The following C14orf132 variants were observed in gnomAD, a reference collection of about 807,000 sequenced individuals.
C14orf132 encodes uncharacterized protein C14orf132.
Under a neutral mutation model 5.8 loss-of-function variants are expected in C14orf132, and 6 were observed. The observed-to-expected ratio is 1.03, with a 90% CI of 0.57 to 2.04. C14orf132 has a LOEUF of 2.04. C14orf132 is among the 30% of genes most tolerant of loss of function. The probability of loss-of-function intolerance (pLI) is 0.00; values close to 1 mark genes in which losing one functional copy is unlikely to be tolerated. For missense variants in C14orf132, 125 were observed against 115.8 expected, an observed-to-expected ratio of 1.08 and a Z score of -0.37; for synonymous variants, 51 against 49.8, an observed-to-expected ratio of 1.02 and a Z score of -0.10.
chr14:96,046,048 G>C (rs1288979883), intron 1 of C14orf132, among the ~76,000 whole-genome samples: 1 of 152,226 alleles, frequency 6.6e-6, no homozygotes, highest in African/African-American at 2.4e-5. Flanking sequence ...GAGGTCCCAA[G>C]GTTGTTGCTC....
Position 96,093,121 on chromosome 14 carries a change from G to C in C14orf132, c.*6386G>C, listed in dbSNP as rs1032459294. ...CAGCAGTGATCATGGTCACTGCCCT[G>C]CGTTCAAATAATGCGAGCTGAGGAC... On this transcript the variant is annotated 3_prime_UTR_variant, in exon 2 of 2. Coordinates refer to ENST00000555004, the MANE Select transcript of C14orf132 (RefSeq NM_001252507.3). 2.6e-5 allele frequency: 4 copies of C among 152,222 alleles called. No homozygotes were observed. Among genetic ancestry groups the C allele is most frequent in the African/African-American group, 9.6e-5 (4 of 41,464 alleles). The allele number at this position is 152,222 out of a possible 1,614,324, so 9.4% of individuals were successfully genotyped here. A position where few individuals can be genotyped will look rare whatever the true frequency, so the allele number is the denominator to read the frequency against.
In C14orf132 at chr14:96,086,854, C is replaced by T; in HGVS notation, c.*119C>T. On this transcript the variant is annotated 3_prime_UTR_variant, in exon 2 of 2. Coordinates refer to ENST00000555004, the MANE Select transcript of C14orf132 (RefSeq NM_001252507.3). ...AGTTTTGACCAGGGGCGGCGGCCGTCCTTCTGGAATTTCTCCCCAGCAGCC... is the reference window on the plus strand; with the variant it reads ...AGTTTTGACCAGGGGCGGCGGCCGTTCTTCTGGAATTTCTCCCCAGCAGCC... 1.0e-6 allele frequency: 1 copy of T among 1,001,396 alleles called. No individual in the cohort carries two copies. The highest frequency in any genetic ancestry group is 1.4e-6 in the Non-Finnish European group (1 of 695,436). The allele number at this position is 1,001,396 out of a possible 1,614,324, so 62.0% of individuals were successfully genotyped here.
intron 1 of C14orf132, among the ~76,000 whole-genome samples, chr14:96,043,233 C>G (rs1362153121): frequency 6.6e-6 from 1 of 152,128 alleles, no homozygotes; most frequent in Admixed American, 6.5e-5. Context: ...TCCACTTGGG[C>G]CCGTTGGGAT....
chr14:96,047,707 G>A (rs977533488), intron 1 of C14orf132, among the ~76,000 whole-genome samples: 4 of 152,178 alleles, frequency 2.6e-5, no homozygotes, highest in South Asian at 2.1e-4. Flanking sequence ...TCTGCATCAC[G>A]TCAGCCTATT....
At chr14:96,071,823 C>T (rs1355221814) in intron 1 of C14orf132, among the ~76,000 whole-genome samples, 1 of 152,226 alleles carries the variant, frequency 6.6e-6, no homozygotes, top group Non-Finnish European at 1.5e-5. Context: ...GGGTGCCCTG[C>T]CAGGGCTGGT....
At chr14:96,057,750 C>T (rs941834039) in intron 1 of C14orf132, among the ~76,000 whole-genome samples, 1 of 152,132 alleles carries the variant, frequency 6.6e-6, no homozygotes, top group Non-Finnish European at 1.5e-5. Context: ...AGGAAAATCA[C>T]GTGGTGCTAG....
intron 1 of C14orf132, among the ~76,000 whole-genome samples, chr14:96,070,596 T>TCACACACACA (rs77447486): frequency 2.1e-5 from 3 of 142,558 alleles, no homozygotes; most frequent in Non-Finnish European, 3.1e-5. Flanking sequence ...TCTCTCTCTC[T>TCACACACACA]CACACACACA....
At chr14:96,068,092 A>G (rs1887586451) in intron 1 of C14orf132, among the ~76,000 whole-genome samples, 1 of 152,188 alleles carries the variant, frequency 6.6e-6, no homozygotes, top group Non-Finnish European at 1.5e-5. Context: ...AAGACTCTCC[A>G]GCATGGAAAC....
At position 96,066,434 on chromosome 14, in the gene C14orf132, C is replaced by T. The variant is rs76771645; in HGVS notation, c.28-20077C>T. On this transcript the variant is annotated intron_variant, in intron 1 of 1. Coordinates refer to ENST00000555004, the MANE Select transcript of C14orf132 (RefSeq NM_001252507.3). ...TTTTTCCTCTTAATTCTGAAATGCT[C>T]TCAGGCTTTCCAAAAATATCCTTAT... 4.5e-3 allele frequency among the ~76,000 whole-genome samples: 682 copies of T among 152,284 alleles called. 6 individuals carry two copies. Among genetic ancestry groups the T allele is most frequent in the Non-Finnish European group, 8.1e-3 (550 of 68,032 alleles).
At position 96,089,052 on chromosome 14, in the gene C14orf132, C is replaced by T. The variant is rs1888299332; in HGVS notation, c.*2317C>T. Reference sequence around the variant, plus strand: ...TCTGCATTGCAGATTACAGTGACTTCCTCGGGGTTGCCCCATCTTGGTCTC... The same window carrying T: ...TCTGCATTGCAGATTACAGTGACTTTCTCGGGGTTGCCCCATCTTGGTCTC... On this transcript the variant is annotated 3_prime_UTR_variant, in exon 2 of 2. Coordinates refer to ENST00000555004, the MANE Select transcript of C14orf132 (RefSeq NM_001252507.3). The T allele has an allele frequency of 6.6e-6, 1 of 152,318 alleles. No individual in the cohort carries two copies. The highest frequency in any genetic ancestry group is 1.5e-5 in the Non-Finnish European group (1 of 68,096). The allele number at this position is 152,318 out of a possible 1,614,324, so 9.4% of individuals were successfully genotyped here.
chr14:96,081,923 TG>T lies in C14orf132; in HGVS notation c.28-4587del, dbSNP rs1296149835. On this transcript the variant is annotated intron_variant, in intron 1 of 1. Transcript: ENST00000555004. ...CCAACAAATGTTTTTTTGTTGTTGT[TG>T]TTTCTTTTTTTAATCTTGATGTGAA... Among the ~76,000 whole-genome samples, 3 of 152,150 alleles carry T rather than the reference TG, an allele frequency of 2.0e-5. No homozygotes were observed. In the East Asian group the frequency reaches 5.8e-4, roughly 29 times the overall value.
At chr14:96,054,016 GC>G (rs35584763) in intron 1 of C14orf132, among the ~76,000 whole-genome samples, 3,725 of 152,268 alleles carry the variant, frequency 0.024, 62 homozygotes, top group African/African-American at 0.046. Flanking sequence ...CTGGTGGAAG[GC>G]CTTAATAAAT....
rs1476516059 is a variant in C14orf132, at chr14:96,041,166, T to A, written c.27+1639T>A. Among the ~76,000 whole-genome samples, 4 of 152,246 alleles carry A rather than the reference T, an allele frequency of 2.6e-5. No homozygotes were observed. The East Asian group carries it at 7.7e-4, about 29-fold the overall frequency. On this transcript the variant is annotated intron_variant, in intron 1 of 1. Transcript: ENST00000555004. ...TTGACACTGGTTACATGCGCAGTAC[T>A]GTGCTAGCTGCAAGGAACAGAAACA...
At position 96,090,259 on chromosome 14, in the gene C14orf132, G is replaced by A. The variant is rs893337324; in HGVS notation, c.*3524G>A. ...ATACAAAAATTAACCAGACATTGTG[G>A]CATGTGCCTGTAATCCCAGCTACTC... On this transcript the variant is annotated 3_prime_UTR_variant, in exon 2 of 2. Transcript: ENST00000555004. 1 of 175,060 alleles carries A rather than the reference G, an allele frequency of 5.7e-6. No homozygotes were observed. Among genetic ancestry groups the A allele is most frequent in the Non-Finnish European group, 1.2e-5 (1 of 83,440 alleles). The allele number at this position is 175,060 out of a possible 1,614,324, so 10.8% of individuals were successfully genotyped here. A position where few individuals can be genotyped will look rare whatever the true frequency, so the allele number is the denominator to read the frequency against.
intron 1 of C14orf132, among the ~76,000 whole-genome samples, chr14:96,064,409 T>TATATATACAC (rs1302598697): frequency 2.7e-5 from 4 of 147,274 alleles, no homozygotes; most frequent in South Asian, 2.1e-4. Context: ...CATATATGTA[T>TATATATACAC]ATATATACAC....
chr14:96,065,310 T>A (rs920329580), intron 1 of C14orf132, among the ~76,000 whole-genome samples: 2 of 152,140 alleles, frequency 1.3e-5, no homozygotes, highest in African/African-American at 2.4e-5. Flanking sequence ...GAGATTCCGA[T>A]GTGCATCTCC....
At chr14:96,041,288 C>T (rs1294845657) in intron 1 of C14orf132, among the ~76,000 whole-genome samples, 7 of 152,126 alleles carry the variant, frequency 4.6e-5, no homozygotes, top group Non-Finnish European at 7.3e-5. Flanking sequence ...ACAGCAAATC[C>T]TTACAAGTCC....
intron 1 of C14orf132, among the ~76,000 whole-genome samples, chr14:96,049,563 T>G (rs145737439): frequency 0.017 from 1,892 of 111,870 alleles, 44 homozygotes; most frequent in Non-Finnish European, 0.029. Context: ...CATATATACG[T>G]ATATATACAT....
intron 1 of C14orf132, among the ~76,000 whole-genome samples, chr14:96,054,041 A>G (rs1436462133): frequency 6.6e-6 from 1 of 152,198 alleles, no homozygotes; most frequent in African/African-American, 2.4e-5. Flanking sequence ...CGCAGTGAGC[A>G]TAATGACCCC....
Sources: gnomAD v4.1 joint callset for allele counts (sites outside exome capture counted in the v4.1 genomes callset) on GRCh38, gnomAD v4.1.1 for gene constraint, MANE v1.5 for transcripts, NCBI Gene and HGNC (gene_info 2026-07-23, HGNC 2026-07-21) for gene names.